SLC4A4: variants seen among roughly 807,000 people sequenced by gnomAD.
The protein encoded by SLC4A4 is electrogenic sodium bicarbonate cotransporter 1.
A neutral mutation model predicts 111.5 loss-of-function variants in SLC4A4; 27 were observed. The ratio of observed to expected loss-of-function variants is 0.24; its 90% CI spans 0.18 to 0.33. SLC4A4 has a LOEUF of 0.33. SLC4A4 is among the 10% of genes least tolerant of loss of function. The pLI, the probability that SLC4A4 is intolerant of heterozygous loss-of-function variation, is 1.00. For missense variants in SLC4A4, 909 were observed against 1,315.5 expected, an observed-to-expected ratio of 0.69 and a Z score of 4.78; for synonymous variants, 443 against 463.4, an observed-to-expected ratio of 0.96 and a Z score of 0.57.
chr4:71,077,830 T>G (rs1242371440), intron 1 of SLC4A4, among the ~76,000 whole-genome samples: 1 of 152,220 alleles, frequency 6.6e-6, no homozygotes, highest in Non-Finnish European at 1.5e-5. Context: ...TGCACTCCCC[T>G]AGTTCCTTCC....
At chr4:71,414,449 A>G (rs1275641102) in intron 7 of SLC4A4, among the ~76,000 whole-genome samples, 2 of 152,260 alleles carry the variant, frequency 1.3e-5, no homozygotes, top group Non-Finnish European at 2.9e-5. Context: ...GGCATTCTGC[A>G]TAAGTGTTTG....
intron 2 of SLC4A4, among the ~76,000 whole-genome samples, chr4:71,107,118 G>C (rs538137918): frequency 1.1e-4 from 16 of 152,060 alleles, no homozygotes; most frequent in African/African-American, 1.4e-4. Context: ...TCTAAAGTGA[G>C]ATATGTTATC....
At chr4:71,169,012 TTTA>T (rs1423050567) in intron 2 of SLC4A4, among the ~76,000 whole-genome samples, 1 of 151,930 alleles carries the variant, frequency 6.6e-6, no homozygotes, top group Non-Finnish European at 1.5e-5. Context: ...TCTATTTTTA[TTTA>T]TTTATTTATA....
chr4:71,246,277 G>A (rs763437098), intron 2 of SLC4A4, among the ~76,000 whole-genome samples: 2 of 152,144 alleles, frequency 1.3e-5, no homozygotes, highest in African/African-American at 2.4e-5. Context: ...TGATTTCCTC[G>A]AGGTAACCTT....
At chr4:71,190,700 G>T (rs567220713) in intron 1 of SLC4A4, among the ~76,000 whole-genome samples, 4 of 152,248 alleles carry the variant, frequency 2.6e-5, no homozygotes, top group African/African-American at 9.6e-5. Context: ...ATTAAATTGT[G>T]CCTGTGAATA....
chr4:71,316,778 C>T (rs904871343), intron 3 of SLC4A4, among the ~76,000 whole-genome samples: 1 of 152,048 alleles, frequency 6.6e-6, no homozygotes, highest in Non-Finnish European at 1.5e-5. Context: ...TTGTTCAGCT[C>T]CTTCTTATAA....
intron 15 of SLC4A4, among the ~76,000 whole-genome samples, chr4:71,487,610 G>A (rs145787004): frequency 2.4e-4 from 37 of 151,668 alleles, no homozygotes; most frequent in African/African-American, 8.9e-4. Context: ...GAGAAAAAGG[G>A]GAAAGTGCTG....
At chr4:71,394,724 A>G (rs1446253071) in intron 6 of SLC4A4, among the ~76,000 whole-genome samples, 2 of 152,186 alleles carry the variant, frequency 1.3e-5, no homozygotes, top group East Asian at 3.9e-4. Flanking sequence ...GTATATTTAT[A>G]GGATGGAATA....
chr4:71,216,963 A>G (rs1488510654), intron 1 of SLC4A4, among the ~76,000 whole-genome samples: 10 of 152,192 alleles, frequency 6.6e-5, no homozygotes, highest in Admixed American at 3.9e-4. Flanking sequence ...GGGTATTACT[A>G]AGTCCATTTT....
intron 7 of SLC4A4, among the ~76,000 whole-genome samples, chr4:71,440,295 G>A (rs2149057584): frequency 6.6e-6 from 1 of 152,098 alleles, no homozygotes; most frequent in Non-Finnish European, 1.5e-5. Context: ...GCTTATAGTA[G>A]ATTTTCAACA....
rs182374879 is a variant in SLC4A4, at chr4:71,300,512, G to C, written c.254-38858G>C. On this transcript the variant is annotated intron_variant, in intron 3 of 25. Coordinates refer to ENST00000264485, the MANE Select transcript of SLC4A4 (RefSeq NM_001098484.3). ...GCTGACAAGCCTTCCAGGAGGCCTG[G>C]GCCGGGGCCACTAGCGGCATGCAGA... The C allele has an allele frequency of 1.7e-3, 426 of 249,584 alleles. 1 individual carries two copies. Among genetic ancestry groups the C allele is most frequent in the African/African-American group, 9.3e-3 (406 of 43,780 alleles). The allele number at this position is 249,584 out of a possible 1,614,324, so 15.5% of individuals were successfully genotyped here.
intron 7 of SLC4A4, among the ~76,000 whole-genome samples, chr4:71,398,546 A>G (rs1030205357): frequency 2.6e-5 from 4 of 152,322 alleles, no homozygotes; most frequent in South Asian, 4.1e-4. Context: ...AGAATATAGT[A>G]TATGGAAAAA....
intron 14 of SLC4A4, 152 bp from the exon 15 acceptor site, chr4:71,486,796 C>T (rs954404874): frequency 1.1e-5 from 6 of 533,728 alleles, no homozygotes; most frequent in Non-Finnish European, 2.0e-5. Context: ...AAGGTGAACA[C>T]ATTTATAATA....
chr4:71,340,011 G>T (rs1380448110), intron 4 of SLC4A4, among the ~76,000 whole-genome samples: 1 of 150,910 alleles, frequency 6.6e-6, no homozygotes, highest in African/African-American at 2.4e-5. Flanking sequence ...TGAGCCTAGG[G>T]TTCAAGACCA....
chr4:71,099,032 CAGTATT>C (rs1194107508), intron 2 of SLC4A4, among the ~76,000 whole-genome samples: 10 of 152,092 alleles, frequency 6.6e-5, no homozygotes, highest in Non-Finnish European at 1.3e-4. Context: ...ACTCTACTGA[CAGTATT>C]AGATAGATCA....
At chr4:71,417,876 A>C (rs1012633633) in intron 7 of SLC4A4, among the ~76,000 whole-genome samples, 1 of 152,170 alleles carries the variant, frequency 6.6e-6, no homozygotes, top group Non-Finnish European at 1.5e-5. Flanking sequence ...GTGAATATTC[A>C]ACTCATGGCC....
chr4:71,306,673 GAT>G (rs370603128), intron 3 of SLC4A4, among the ~76,000 whole-genome samples: 55 of 152,248 alleles, frequency 3.6e-4, no homozygotes, highest in Non-Finnish European at 7.1e-4. Context: ...AAGCACTAAG[GAT>G]AGTAATTGCA....
chr4:71,290,074 G>A (rs915424348), intron 3 of SLC4A4, among the ~76,000 whole-genome samples: 3 of 152,124 alleles, frequency 2.0e-5, no homozygotes, highest in Admixed American at 6.5e-5. Context: ...GGGAAAGTCT[G>A]CTGGGTTAGG....
chr4:71,148,970 G>A (rs1214747453), intron 2 of SLC4A4, among the ~76,000 whole-genome samples: 3 of 152,158 alleles, frequency 2.0e-5, no homozygotes, highest in African/African-American at 7.2e-5. Flanking sequence ...TTGCCACAGT[G>A]TCTTCCACAA....
Sources: allele counts gnomAD v4.1 joint callset (sites outside exome capture counted in the v4.1 genomes callset), GRCh38; gene constraint gnomAD v4.1.1; transcripts MANE v1.5; gene names NCBI Gene and HGNC (gene_info 2026-07-23, HGNC 2026-07-21).